Variants in REEP3 observed in about 807,000 individuals in gnomAD.
REEP3 encodes the protein receptor accessory protein 3.
REEP3 carries 20 observed loss-of-function variants against 41.3 expected under a neutral mutation model. The ratio of observed to expected loss-of-function variants is 0.48; its 90% CI spans 0.34 to 0.70. REEP3 has a LOEUF of 0.70. REEP3 is among the 30% of genes least tolerant of loss of function. The pLI is 0.01. For synonymous variants in REEP3, 104 were observed against 101.8 expected, an observed-to-expected ratio of 1.02 and a Z score of -0.13; for missense variants, 271 against 308.8, an observed-to-expected ratio of 0.88 and a Z score of 0.92.
intron 1 of REEP3, among the ~76,000 whole-genome samples, chr10:63,558,333 G>A (rs1955709397): frequency 6.6e-6 from 1 of 152,202 alleles, no homozygotes; most frequent in Admixed American, 6.5e-5. Flanking sequence ...AACAAATGTA[G>A]GGAATGCCTA....
At chr10:63,614,197 A>T (rs1399080281) in intron 6 of REEP3, among the ~76,000 whole-genome samples, 1 of 152,202 alleles carries the variant, frequency 6.6e-6, no homozygotes, top group Non-Finnish European at 1.5e-5. Context: ...AGTAATAATA[A>T]TAATTTTCGT....
intron 1 of REEP3, among the ~76,000 whole-genome samples, chr10:63,536,318 A>G (rs1298494183): frequency 6.6e-6 from 1 of 152,216 alleles, no homozygotes; most frequent in Non-Finnish European, 1.5e-5. Flanking sequence ...GTGTACACTC[A>G]CATATCATCA....
intron 1 of REEP3, among the ~76,000 whole-genome samples, chr10:63,557,683 T>C (rs1955702091): frequency 1.3e-5 from 2 of 152,250 alleles, no homozygotes; most frequent in South Asian, 4.1e-4. Context: ...TTTAACTGTT[T>C]ATGCTCTGTT....
chr10:63,528,058 G>A (rs1010658131), intron 1 of REEP3, among the ~76,000 whole-genome samples: 1 of 151,628 alleles, frequency 6.6e-6, no homozygotes, highest in Non-Finnish European at 1.5e-5. Context: ...AAGTTGGCAT[G>A]TCATGGGGAT....
intron 1 of REEP3, among the ~76,000 whole-genome samples, chr10:63,553,713 AT>A (rs1372222949): frequency 6.6e-6 from 1 of 152,182 alleles, no homozygotes; most frequent in African/African-American, 2.4e-5. Context: ...TCCTCCTTTA[AT>A]TTGTAGAGAC....
At chr10:63,532,490 G>A (rs1955431608) in intron 1 of REEP3, among the ~76,000 whole-genome samples, 1 of 152,000 alleles carries the variant, frequency 6.6e-6, no homozygotes. Flanking sequence ...GTGAAACCCT[G>A]TCTCTACTAA....
chr10:63,589,459 T>A (rs1956037353), intron 2 of REEP3, among the ~76,000 whole-genome samples: 1 of 152,088 alleles, frequency 6.6e-6, no homozygotes, highest in African/African-American at 2.4e-5. Flanking sequence ...CTGCACAAGA[T>A]CAGAAGACAG....
At chr10:63,572,895 A>G (rs1244557648) in intron 2 of REEP3, among the ~76,000 whole-genome samples, 5 of 152,236 alleles carry the variant, frequency 3.3e-5, no homozygotes, top group Admixed American at 2.6e-4. Flanking sequence ...TGTGCTTAAT[A>G]GCTTGTACAT....
intron 5 of REEP3, among the ~76,000 whole-genome samples, chr10:63,605,945 C>T (rs1309006348): frequency 6.6e-6 from 1 of 152,152 alleles, no homozygotes; most frequent in Non-Finnish European, 1.5e-5. Context: ...TTTGGGCCCA[C>T]CTAAATCCAA....
At chr10:63,591,298 T>C (rs1420985560) in intron 2 of REEP3, among the ~76,000 whole-genome samples, 1 of 152,188 alleles carries the variant, frequency 6.6e-6, no homozygotes, top group Non-Finnish European at 1.5e-5. Flanking sequence ...CAATATATTT[T>C]CAAGGTTAAC....
intron 2 of REEP3, among the ~76,000 whole-genome samples, chr10:63,586,827 C>T (rs1018032649): frequency 3.3e-5 from 5 of 152,190 alleles, no homozygotes; most frequent in African/African-American, 7.2e-5. Flanking sequence ...CCACGACACC[C>T]GGCTTATTAA....
intron 1 of REEP3, among the ~76,000 whole-genome samples, chr10:63,532,357 A>T (rs1955430392): frequency 6.6e-6 from 1 of 152,222 alleles, no homozygotes; most frequent in Non-Finnish European, 1.5e-5. Flanking sequence ...TGATGTGTTC[A>T]TTTTAGGAAA....
Position 63,556,634 on chromosome 10 carries a change from G to GT in REEP3, c.33-9685dup, listed in dbSNP as rs370073734. On this transcript the variant is annotated intron_variant, in intron 1 of 7. Coordinates refer to ENST00000373758, the MANE Select transcript of REEP3 (RefSeq NM_001001330.3). ...TGCTTGTTTTTTTTTTTGTTGTTTT[G>GT]TTTTTTTTTTTTTTTTTTTGAGACG... Among the ~76,000 whole-genome samples the GT allele has an allele frequency of 2.0e-3, 154 of 78,550 alleles. 8 individuals carry two copies. The highest frequency in any genetic ancestry group is 6.6e-3 in the African/African-American group (146 of 22,222). 51.5% of individuals were successfully genotyped at this position (78,550 alleles called of 152,430 possible).
At chr10:63,582,108 T>G (rs2133389707) in intron 2 of REEP3, among the ~76,000 whole-genome samples, 1 of 152,310 alleles carries the variant, frequency 6.6e-6, no homozygotes, top group Non-Finnish European at 1.5e-5. Flanking sequence ...TTCTCAAAAT[T>G]TAATGATCAT....
At chr10:63,615,806 A>G (rs1197719073) in intron 6 of REEP3, among the ~76,000 whole-genome samples, 1 of 152,098 alleles carries the variant, frequency 6.6e-6, no homozygotes, top group African/African-American at 2.4e-5. Flanking sequence ...CAGCCTCCCA[A>G]AGTGCTGGGA....
intron 1 of REEP3, among the ~76,000 whole-genome samples, chr10:63,555,211 A>G (rs2393984): frequency 0.47 from 71,714 of 151,940 alleles, 17,218 homozygotes; most frequent in Middle Eastern, 0.55. Flanking sequence ...GGTTTTAAAC[A>G]TGGGGACCTT....
intron 1 of REEP3, among the ~76,000 whole-genome samples, chr10:63,550,602 G>A (rs138575536): frequency 2.9e-4 from 44 of 152,306 alleles, no homozygotes; most frequent in African/African-American, 9.4e-4. Flanking sequence ...GAGTCTAGGA[G>A]TTGGCACTTC....
At chr10:63,607,922 C>A (rs1956243532) in intron 5 of REEP3, among the ~76,000 whole-genome samples, 1 of 152,158 alleles carries the variant, frequency 6.6e-6, no homozygotes, top group Non-Finnish European at 1.5e-5. Flanking sequence ...TCATTTGTAT[C>A]CTGAAATGTA....
At chr10:63,531,063 T>A (rs1955416980) in intron 1 of REEP3, among the ~76,000 whole-genome samples, 2 of 152,200 alleles carry the variant, frequency 1.3e-5, no homozygotes, top group Admixed American at 1.3e-4. Context: ...GTTTCGTTCA[T>A]GTTGTTATAT....
Sources: allele counts gnomAD v4.1 joint callset (sites outside exome capture counted in the v4.1 genomes callset), GRCh38; gene constraint gnomAD v4.1.1; transcripts MANE v1.5; gene names NCBI Gene and HGNC (gene_info 2026-07-23, HGNC 2026-07-21).